Variants in ANKRD45 observed in about 807,000 individuals in gnomAD.
ANKRD45 encodes the protein ankyrin repeat domain-containing protein 45.
In ANKRD45, 21 loss-of-function variants were observed where a neutral mutation model predicts 28.1. The observed-to-expected ratio is 0.75, with a 90% CI of 0.53 to 1.08. ANKRD45 has a LOEUF of 1.08. Among genes scored for constraint, ANKRD45 ranks in the 50% least tolerant of loss-of-function variants. The probability of loss-of-function intolerance (pLI) is 0.00; values close to 1 mark genes in which losing one functional copy is unlikely to be tolerated. For synonymous variants in ANKRD45, 86 were observed against 103.9 expected, an observed-to-expected ratio of 0.83 and a Z score of 1.05; for missense variants, 261 against 308.7, an observed-to-expected ratio of 0.85 and a Z score of 1.16.
At chr1:173,706,921 C>T in the ANKRD45 span, among the ~76,000 whole-genome samples, 1 of 152,152 alleles carries the variant, frequency 6.6e-6, no homozygotes, top group East Asian at 1.9e-4. Context: ...TGAGTGCATT[C>T]TTCCCCACAG....
At chr1:173,687,833 C>G in the ANKRD45 span, among the ~76,000 whole-genome samples, 4 of 152,120 alleles carry the variant, frequency 2.6e-5, no homozygotes, top group South Asian at 8.3e-4. Context: ...ATTGTGTCTT[C>G]TTCCCTCAAT....
chr1:173,656,247 T>C (rs903085688), intron 2 of ANKRD45, among the ~76,000 whole-genome samples: 28 of 152,364 alleles, frequency 1.8e-4, no homozygotes, highest in African/African-American at 5.5e-4. Flanking sequence ...AATGGACCCA[T>C]GTCTTAAACC....
chr1:173,683,319 T>G, the ANKRD45 span, among the ~76,000 whole-genome samples: 3 of 152,070 alleles, frequency 2.0e-5, no homozygotes, highest in African/African-American at 7.2e-5. Flanking sequence ...AAAAAAAAAT[T>G]CATCTTCCCT....
chr1:173,680,688 G>A, the ANKRD45 span, among the ~76,000 whole-genome samples: 1 of 151,678 alleles, frequency 6.6e-6, no homozygotes, highest in Admixed American at 6.6e-5. Flanking sequence ...CTACAGCACT[G>A]TTCACAATAA....
chr1:173,635,726 A>G (rs1420902553), intron 3 of ANKRD45: 4 of 1,535,614 alleles, frequency 2.6e-6, no homozygotes, highest in East Asian at 2.4e-5. Context: ...CTTTGCTAAC[A>G]TGGATATATT....
upstream of ANKRD45, chr1:173,669,963 A>G (rs1392722973): frequency 5.9e-6 from 1 of 168,796 alleles, no homozygotes; most frequent in Non-Finnish European, 1.5e-5. Flanking sequence ...ACAGCCAGGA[A>G]TTATCTATAA....
chr1:173,707,135 G>A, the ANKRD45 span, among the ~76,000 whole-genome samples: 1 of 151,400 alleles, frequency 6.6e-6, no homozygotes, highest in Non-Finnish European at 1.5e-5. Context: ...TATGTTATTT[G>A]TTTTTTTCTC....
the ANKRD45 span, among the ~76,000 whole-genome samples, chr1:173,692,401 G>C: frequency 7.2e-5 from 11 of 152,250 alleles, no homozygotes; most frequent in Non-Finnish European, 1.6e-4. Flanking sequence ...GAGACAAATT[G>C]TTGCATTCTT....
At chr1:173,692,194 T>A in the ANKRD45 span, among the ~76,000 whole-genome samples, 1 of 152,216 alleles carries the variant, frequency 6.6e-6, no homozygotes, top group East Asian at 1.9e-4. Flanking sequence ...AGGCAAAGAA[T>A]TGAACATACT....
chr1:173,688,356 C>G, the ANKRD45 span, among the ~76,000 whole-genome samples: 1 of 147,276 alleles, frequency 6.8e-6, no homozygotes, highest in Non-Finnish European at 1.5e-5. Context: ...CTGACTCCCT[C>G]TCTCTCTCTC....
chr1:173,613,699 C>A (rs1227937386), intron 5 of ANKRD45, among the ~76,000 whole-genome samples: 2 of 150,776 alleles, frequency 1.3e-5, no homozygotes, highest in African/African-American at 4.9e-5. Context: ...TTGGGGGGCG[C>A]CTCTGCCCGG....
intron 2 of ANKRD45, chr1:173,657,911 G>T (rs759830223): frequency 1.3e-5 from 2 of 151,570 alleles, no homozygotes; most frequent in Non-Finnish European, 2.9e-5. Flanking sequence ...TCTAATATAT[G>T]TATTATACTA....
At chr1:173,693,841 GC>G in the ANKRD45 span, among the ~76,000 whole-genome samples, 2 of 152,142 alleles carry the variant, frequency 1.3e-5, no homozygotes, top group African/African-American at 4.8e-5. Context: ...AATTTCCTTA[GC>G]CCCCACATCT....
At chr1:173,639,149 G>A (rs28767926) in intron 3 of ANKRD45, among the ~76,000 whole-genome samples, 25,888 of 152,192 alleles carry the variant, frequency 0.17, 7,339 homozygotes, top group African/African-American at 0.59. Context: ...TGCCTTTGGC[G>A]TGGCACATAC....
intron 3 of ANKRD45, among the ~76,000 whole-genome samples, chr1:173,637,839 A>G (rs1319930033): frequency 6.6e-6 from 1 of 152,194 alleles, no homozygotes; most frequent in Non-Finnish European, 1.5e-5. Context: ...GGTGGCCCGT[A>G]GGGGATTAAC....
intron 5 of ANKRD45, among the ~76,000 whole-genome samples, chr1:173,614,298 TAAAG>T (rs1177361533): frequency 2.6e-5 from 4 of 151,224 alleles, no homozygotes; most frequent in East Asian, 3.9e-4. Context: ...TAAAATAAAA[TAAAG>T]AAAGAGCTGA....
the ANKRD45 span, among the ~76,000 whole-genome samples, chr1:173,693,796 A>G: frequency 3.3e-5 from 5 of 152,318 alleles, no homozygotes; most frequent in South Asian, 2.1e-4. Context: ...TTCTTTGCTC[A>G]TTGATTTCTT....
intron 3 of ANKRD45, among the ~76,000 whole-genome samples, chr1:173,641,846 G>C (rs544980002): frequency 4.4e-4 from 67 of 152,110 alleles, no homozygotes; most frequent in African/African-American, 1.5e-3. Context: ...TTGTTCTGGT[G>C]GTTAACTACA....
chr1:173,683,575 T>C, the ANKRD45 span, among the ~76,000 whole-genome samples: 1 of 152,156 alleles, frequency 6.6e-6, no homozygotes, highest in Non-Finnish European at 1.5e-5. Flanking sequence ...ACCATTAAGA[T>C]AGCTCATGCT....
Sources: allele counts gnomAD v4.1 joint callset (sites outside exome capture counted in the v4.1 genomes callset), GRCh38; gene constraint gnomAD v4.1.1; transcripts MANE v1.5; gene names NCBI Gene and HGNC (gene_info 2026-07-23, HGNC 2026-07-21).